MUSK: variants seen among roughly 807,000 people sequenced by gnomAD.
The protein encoded by MUSK is muscle associated receptor tyrosine kinase.
Under a neutral mutation model 88.7 loss-of-function variants are expected in MUSK, and 55 were observed. The ratio of observed to expected loss-of-function variants is 0.62; its 90% CI spans 0.50 to 0.78. MUSK has a LOEUF of 0.78. MUSK is among the 30% of genes least tolerant of loss of function. The probability of loss-of-function intolerance (pLI) is 0.00; values close to 1 mark genes in which losing one functional copy is unlikely to be tolerated. For missense variants in MUSK, 1,015 were observed against 1,074.3 expected (o/e 0.94, Z 0.77); for synonymous variants, 387 against 391.9 (o/e 0.99, Z 0.15).
intron 7 of MUSK, among the ~76,000 whole-genome samples, chr9:110,749,315 C>T (rs2077218311): frequency 6.6e-6 from 1 of 152,030 alleles, no homozygotes; most frequent in Admixed American, 6.6e-5. Flanking sequence ...AACAGCAGAA[C>T]AAGAGAGGCA....
rs1341400737 is a variant in MUSK, at chr9:110,717,395, C to T, written c.629-16856C>T. Among the ~76,000 whole-genome samples the T allele has an allele frequency of 1.3e-5, 2 of 149,704 alleles. 1 individual carries two copies. Among genetic ancestry groups the T allele is most frequent in the African/African-American group, 5.1e-5 (2 of 39,452 alleles). ...TCTTCTCCAGTCTCTTTAACTAAAG[C>T]AAGCATCTTATCATTCTTTAAAATC... On this transcript the variant is annotated intron_variant, in intron 5 of 14. Coordinates refer to ENST00000374448, the MANE Select transcript of MUSK (RefSeq NM_005592.4).
rs755642035 is a variant in MUSK at position 110,787,767 on chromosome 9, T to C, written c.1856T>C (p.Met619Thr). 3.7e-6 allele frequency: 6 copies of C among 1,613,846 alleles called. No homozygotes were observed. The highest frequency in any genetic ancestry group is 1.1e-5 in the South Asian group (1 of 91,014). ...CTCAAAGAAGAAGCCTCGGCAGATA[T>C]GCAAGCGGACTTTCAGAGGGAGGCA... ...KMLKEEASAD[M>T]QADFQREAAL... The change falls in exon 14 of 15, where the codon ATG becomes ACG. Residue 619 changes from methionine to threonine, a missense_variant. Physicochemically the swap from Met to Thr is moderately conservative, Grantham distance 81. Coordinates refer to ENST00000374448, the MANE Select transcript of MUSK (RefSeq NM_005592.4).
chr9:110,748,775 G>A (rs1259965166), intron 7 of MUSK, among the ~76,000 whole-genome samples: 1 of 152,164 alleles, frequency 6.6e-6, no homozygotes, highest in African/African-American at 2.4e-5. Flanking sequence ...TCTGTGATTT[G>A]TAATATGAGG....
At chr9:110,742,918 A>G (rs919847803) in intron 6 of MUSK, among the ~76,000 whole-genome samples, 1 of 152,234 alleles carries the variant, frequency 6.6e-6, no homozygotes, top group Non-Finnish European at 1.5e-5. Flanking sequence ...ATTGACGCAA[A>G]TCACAGGACA....
At chr9:110,727,196 A>T (rs2076896704) in intron 5 of MUSK, among the ~76,000 whole-genome samples, 1 of 152,036 alleles carries the variant, frequency 6.6e-6, no homozygotes, top group South Asian at 2.1e-4. Context: ...GAAAGTTCAG[A>T]CAGTAGAATC....
chr9:110,718,234 T>A (rs1426043185), intron 5 of MUSK, among the ~76,000 whole-genome samples: 1 of 152,012 alleles, frequency 6.6e-6, no homozygotes, highest in Non-Finnish European at 1.5e-5. Flanking sequence ...GTAGATGATC[T>A]AATAGAGAAC....
At chr9:110,698,841 CTAAA>C (rs1477477963) in intron 5 of MUSK, among the ~76,000 whole-genome samples, 2 of 152,098 alleles carry the variant, frequency 1.3e-5, no homozygotes, top group Non-Finnish European at 2.9e-5. Flanking sequence ...TCAGTAAAAA[CTAAA>C]TAAACCTACA....
chr9:110,765,313 T>C (rs2077463873), intron 8 of MUSK, among the ~76,000 whole-genome samples: 1 of 152,164 alleles, frequency 6.6e-6, no homozygotes, highest in African/African-American at 2.4e-5. Flanking sequence ...TCATCCCCCT[T>C]TATGCCGAGA....
intron 1 of MUSK, among the ~76,000 whole-genome samples, chr9:110,669,883 A>T (rs1254117353): frequency 6.6e-6 from 1 of 152,174 alleles, no homozygotes; most frequent in African/African-American, 2.4e-5. Context: ...GTAAAAAGAG[A>T]TTTTTGCTTC....
Position 110,777,810 on chromosome 9 carries a change from C to G in MUSK, c.1384+1155C>G, listed in dbSNP as rs1224698112. 3.3e-5 allele frequency among the ~76,000 whole-genome samples: 5 copies of G among 152,074 alleles called. No individual in the cohort carries two copies. In the South Asian group the frequency reaches 8.3e-4, roughly 25 times the overall value. On this transcript the variant is annotated intron_variant, in intron 11 of 14. Transcript: ENST00000374448. ...ATAAAGGAATTTTGAGCAGCACAAA[C>G]TAGCTACAATAATAAATTTTCTAGT...
At chr9:110,718,375 T>C (rs1307805798) in intron 5 of MUSK, among the ~76,000 whole-genome samples, 1 of 151,994 alleles carries the variant, frequency 6.6e-6, no homozygotes, top group Non-Finnish European at 1.5e-5. Context: ...AACTATACTC[T>C]ACTTTTCCAA....
intron 1 of MUSK, among the ~76,000 whole-genome samples, chr9:110,674,439 A>G (rs973614520): frequency 6.6e-6 from 1 of 152,142 alleles, no homozygotes; most frequent in Admixed American, 6.5e-5. Flanking sequence ...GCTCTTGCAA[A>G]CCTGCGGAAG....
chr9:110,760,998 T>C (rs986113293), intron 7 of MUSK, among the ~76,000 whole-genome samples: 5 of 152,210 alleles, frequency 3.3e-5, no homozygotes, highest in Admixed American at 1.3e-4. Context: ...AATTTTAATA[T>C]GGCAAATTGG....
At chr9:110,670,305 C>A (rs2075940828) in intron 1 of MUSK, among the ~76,000 whole-genome samples, 2 of 152,168 alleles carry the variant, frequency 1.3e-5, no homozygotes, top group East Asian at 1.9e-4. Context: ...CCTGATCAAA[C>A]AACGGATGTC....
At chr9:110,713,709 T>A (rs1554742176) in intron 5 of MUSK, among the ~76,000 whole-genome samples, 1 of 152,120 alleles carries the variant, frequency 6.6e-6, no homozygotes, top group Non-Finnish European at 1.5e-5. Flanking sequence ...TTTAGGCAAC[T>A]GGGATACTGT....
At chr9:110,694,215 C>CAAAAAAAA (rs1217917603) in intron 3 of MUSK, among the ~76,000 whole-genome samples, 5 of 72,084 alleles carry the variant, frequency 6.9e-5, no homozygotes, top group African/African-American at 1.6e-4. Context: ...ACTAAAAATA[C>CAAAAAAAA]AAAAAAAAAA....
rs143948431 is a variant in MUSK at position 110,802,084 on chromosome 9, T to C, written c.*1096T>C. On this transcript the variant is annotated 3_prime_UTR_variant, in exon 15 of 15. Transcript: ENST00000374448. ...CACAAGATACACTTGTGGCTCTGAG[T>C]TATTTCAAAACTGATATTTCTGTGC... 3.1e-3 allele frequency among the ~76,000 whole-genome samples: 474 copies of C among 152,312 alleles called. 6 individuals carry two copies. Among genetic ancestry groups the C allele is most frequent in the African/African-American group, 0.011 (461 of 41,564 alleles).
chr9:110,723,570 T>A lies in MUSK; in HGVS notation c.629-10681T>A, dbSNP rs555444898. On this transcript the variant is annotated intron_variant, in intron 5 of 14. Transcript: ENST00000374448. ...CACCAAAATCTCAGAAATGAAAAAA[T>A]TTTAAAAACTACAACAATGTCAAAT... Among the ~76,000 whole-genome samples, 8 of 152,010 alleles carry A rather than the reference T, an allele frequency of 5.3e-5. No homozygotes were observed. The East Asian group carries it at 1.4e-3, about 26-fold the overall frequency.
In MUSK at chr9:110,801,108, T is replaced by C; in HGVS notation, c.*120T>C. 1.1e-6 allele frequency: 1 copy of C among 891,718 alleles called. No individual in the cohort carries two copies. The highest frequency in any genetic ancestry group is 1.6e-6 in the Non-Finnish European group (1 of 633,022). The allele number at this position is 891,718 out of a possible 1,614,324, so 55.2% of individuals were successfully genotyped here. ...AAAGAGTAAGAGTAAACATGAGTAG[T>C]GTGTTGTTTGCTTCCCAGGGAGAGC... On this transcript the variant is annotated 3_prime_UTR_variant, in exon 15 of 15. Coordinates refer to ENST00000374448, the MANE Select transcript of MUSK (RefSeq NM_005592.4).
Sources: gnomAD v4.1 joint callset for allele counts (sites outside exome capture counted in the v4.1 genomes callset) on GRCh38, gnomAD v4.1.1 for gene constraint, MANE v1.5 for transcripts, NCBI Gene and HGNC (gene_info 2026-07-23, HGNC 2026-07-21) for gene names.